The following PATJ variants were observed in gnomAD, a reference collection of about 807,000 sequenced individuals.
PATJ encodes inaD-like protein.
Under a neutral mutation model 224.9 loss-of-function variants are expected in PATJ, and 190 were observed. The ratio of observed to expected loss-of-function variants is 0.84; its 90% CI spans 0.75 to 0.95. The LOEUF (loss-of-function observed/expected upper bound fraction) is 0.95. PATJ is among the 40% of genes least tolerant of loss of function. The probability of loss-of-function intolerance (pLI) is 0.00; values close to 1 mark genes in which losing one functional copy is unlikely to be tolerated. For synonymous variants in PATJ, 769 were observed against 820.3 expected, an observed-to-expected ratio of 0.94 and a Z score of 1.07; for missense variants, 2,121 against 2,270.3, an observed-to-expected ratio of 0.93 and a Z score of 1.34.
intron 30 of PATJ, among the ~76,000 whole-genome samples, chr1:62,041,886 C>T (rs989066810): frequency 6.6e-6 from 1 of 152,066 alleles, no homozygotes; most frequent in Non-Finnish European, 1.5e-5. Context: ...AAAAAATAGG[C>T]TGAGACAGGA....
intron 5 of PATJ, among the ~76,000 whole-genome samples, 193 bp from the exon 6 acceptor site, chr1:61,771,238 T>C (rs749617281): frequency 5.9e-5 from 9 of 152,176 alleles, no homozygotes; most frequent in Non-Finnish European, 1.3e-4. Context: ...AAGGATGCAC[T>C]ACCAAATTAG....
rs1173973598 is a variant in PATJ, at chr1:61,916,686, C to T, written c.3570+2022C>T. On this transcript the variant is annotated intron_variant, in intron 26 of 43. Transcript: ENST00000642238. ...TCGATTTATCAAGACAGGGGAATTG[C>T]AGTAGAGAAAGAGTTTAATGCATAC... Among the ~76,000 whole-genome samples, 3 of 152,208 alleles carry T rather than the reference C, an allele frequency of 2.0e-5. No individual in the cohort carries two copies. The East Asian group carries it at 5.8e-4, about 29-fold the overall frequency.
At chr1:61,929,988 G>T (rs6698695) in intron 27 of PATJ, among the ~76,000 whole-genome samples, 60,179 of 152,124 alleles carry the variant, frequency 0.4, 13,474 homozygotes, top group East Asian at 0.79. Context: ...ACATATACAC[G>T]GCAGCAGTGG....
At chr1:62,066,841 G>C (rs1558121099) in intron 31 of PATJ, among the ~76,000 whole-genome samples, 1 of 152,132 alleles carries the variant, frequency 6.6e-6, no homozygotes, top group Non-Finnish European at 1.5e-5. Flanking sequence ...TGATTGGTTG[G>C]GGGTGAATTC....
chr1:62,027,628 C>CTTTTTTTTTTTTTTTTTTTT (rs57019359), intron 29 of PATJ, among the ~76,000 whole-genome samples: 1 of 109,842 alleles, frequency 9.1e-6, no homozygotes, highest in African/African-American at 3.9e-5. Context: ...GCCAACATTC[C>CTTTTTTTTTTTTTTTTTTTT]TTTTTTTTTT....
Position 61,864,311 on chromosome 1 carries a change from A to G in PATJ, c.2513A>G (p.His838Arg). The part of the protein sequence containing the change: ...EPFLDLGKSF[H>R]SQQKEIEQSK... ...TTTCTAGATCTGGGAAAGTCTTTCC[A>G]TTCCCAACAAAAAGAGATAGAGCAA... Residue 838 changes from histidine (H) to arginine (R), a missense_variant, in exon 20 of 44, where the codon CAT (histidine) becomes CGT (arginine). By Grantham distance (29) the His-to-Arg change is conservative. Coordinates refer to ENST00000642238, the MANE Select transcript of PATJ (RefSeq NM_001350145.3). 1.9e-6 allele frequency: 3 copies of G among 1,613,660 alleles called. No individual in the cohort carries two copies. The highest frequency in any genetic ancestry group is 2.5e-6 in the Non-Finnish European group (3 of 1,179,522).
intron 30 of PATJ, among the ~76,000 whole-genome samples, chr1:62,043,729 G>GA (rs1422649190): frequency 1.3e-5 from 2 of 151,456 alleles, no homozygotes; most frequent in Admixed American, 6.6e-5. Flanking sequence ...TTTGGTTTGG[G>GA]GGGGGCAGTT....
At chr1:61,870,050 C>T (rs1016672578) in intron 20 of PATJ, among the ~76,000 whole-genome samples, 7 of 152,120 alleles carry the variant, frequency 4.6e-5, no homozygotes, top group African/African-American at 7.2e-5. Context: ...CACGTGAGGC[C>T]GCTGCCCTCT....
intron 9 of PATJ, among the ~76,000 whole-genome samples, chr1:61,794,519 T>C (rs1465930755): frequency 7.2e-5 from 11 of 152,150 alleles, no homozygotes; most frequent in African/African-American, 2.7e-4. Flanking sequence ...TATTTTCCAA[T>C]TTCCCTTCCT....
rs1334934281 is a variant in PATJ at position 62,088,823 on chromosome 1, C to CATATATATAGAATATATAGAACAT, written c.4377+4209_4377+4232dup. Among the ~76,000 whole-genome samples, 237 of 146,520 alleles carry CATATATATAGAATATATAGAACAT rather than the reference C, an allele frequency of 1.6e-3. 1 individual carries two copies. Among genetic ancestry groups the CATATATATAGAATATATAGAACAT allele is most frequent in the East Asian group, 5.1e-3 (26 of 5,086 alleles). Reference sequence around the variant, plus strand: ...ATATATATATATAGAATATATAGAACATATATATAGAATATATAGAACATA... The same window carrying CATATATATAGAATATATAGAACAT: ...ATATATATATATAGAATATATAGAACATATATATAGAATATATAGAACATATATATATAGAATATATAGAACATA... On this transcript the variant is annotated intron_variant, in intron 33 of 43. Transcript: ENST00000642238.
In PATJ at chr1:62,084,580, A is replaced by T; in HGVS notation, c.4309A>T (p.Ile1437Phe). 1 of 1,613,524 alleles carries T rather than the reference A, an allele frequency of 6.2e-7. No homozygotes were observed. ...TCCCATTGTCCCTGGACAGGAAATG[A>T]TTATAGAAATATCCAAGGGACGTTC... Reference protein sequence around the residue: ...TCPIVPGQEMIIEISKGRSGL... With the variant: ...TCPIVPGQEMFIEISKGRSGL... Residue 1437 changes from isoleucine (I) to phenylalanine (F), a missense_variant, in exon 33 of 44, where the codon ATT (isoleucine) becomes TTT (phenylalanine). Coordinates refer to ENST00000642238, the MANE Select transcript of PATJ (RefSeq NM_001350145.3).
chr1:62,147,510 T>C (rs141752451), intron 41 of PATJ, among the ~76,000 whole-genome samples: 1 of 152,010 alleles, frequency 6.6e-6, no homozygotes, highest in South Asian at 2.1e-4. Flanking sequence ...ACAAAAAAAT[T>C]AGCCAGGGCT....
chr1:61,753,789 C>T (rs1645465968), intron 1 of PATJ, among the ~76,000 whole-genome samples: 1 of 151,802 alleles, frequency 6.6e-6, no homozygotes, highest in Non-Finnish European at 1.5e-5. Flanking sequence ...AGATTACAGG[C>T]ATGAGCCACT....
chr1:62,016,842 C>T (rs1646796416), intron 28 of PATJ, among the ~76,000 whole-genome samples: 1 of 152,114 alleles, frequency 6.6e-6, no homozygotes, highest in Non-Finnish European at 1.5e-5. Flanking sequence ...ATAACCTTGA[C>T]ATGTTTACAA....
intron 28 of PATJ, among the ~76,000 whole-genome samples, chr1:62,004,637 A>G (rs1343683609): frequency 6.6e-6 from 1 of 152,176 alleles, no homozygotes; most frequent in East Asian, 1.9e-4. Flanking sequence ...CATCTATATA[A>G]TGACGTAACC....
Position 61,940,989 on chromosome 1 carries a change from A to G in PATJ, c.3670+13160A>G, listed in dbSNP as rs2482866. Reference sequence around the variant, plus strand: ...ATTTTGGAGTACTTCACTTTTCTCTAATACTTTTTCTCTTCTTACTCTTTA... The same window carrying G: ...ATTTTGGAGTACTTCACTTTTCTCTGATACTTTTTCTCTTCTTACTCTTTA... On this transcript the variant is annotated intron_variant, in intron 27 of 43. Transcript: ENST00000642238. 4.6e-3 allele frequency among the ~76,000 whole-genome samples: 698 copies of G among 152,278 alleles called. 6 individuals carry two copies. Among genetic ancestry groups the G allele is most frequent in the African/African-American group, 0.016 (667 of 41,556 alleles).
At chr1:62,092,148 T>C (rs1358195955) in intron 33 of PATJ, among the ~76,000 whole-genome samples, 1 of 151,280 alleles carries the variant, frequency 6.6e-6, no homozygotes, top group African/African-American at 2.4e-5. Flanking sequence ...GAGGCTGAGA[T>C]GGGAGGGTTG....
At chr1:61,979,182 G>A (rs540211281) in intron 27 of PATJ, among the ~76,000 whole-genome samples, 2 of 152,154 alleles carry the variant, frequency 1.3e-5, no homozygotes, top group East Asian at 3.9e-4. Flanking sequence ...AAAGCCTGGT[G>A]CCAAAAGAAG....
chr1:61,834,810 C>T lies in PATJ; in HGVS notation c.2112+1025C>T, dbSNP rs561489463. 3.3e-5 allele frequency among the ~76,000 whole-genome samples: 5 copies of T among 152,026 alleles called. No individual in the cohort carries two copies. The East Asian group carries it at 9.7e-4, about 29-fold the overall frequency. ...CAGGCTGGAGTGCAGTAGCATGCAACCTCTATCTCCCTGGTTCAAGTGATT... is the reference window on the plus strand; with the variant it reads ...CAGGCTGGAGTGCAGTAGCATGCAATCTCTATCTCCCTGGTTCAAGTGATT... On this transcript the variant is annotated intron_variant, in intron 17 of 43. Coordinates refer to ENST00000642238, the MANE Select transcript of PATJ (RefSeq NM_001350145.3).
Sources: allele counts gnomAD v4.1 joint callset (sites outside exome capture counted in the v4.1 genomes callset), GRCh38; gene constraint gnomAD v4.1.1; transcripts MANE v1.5; gene names NCBI Gene and HGNC (gene_info 2026-07-23, HGNC 2026-07-21).